The following PLXNA2 variants were observed in gnomAD, a reference collection of about 807,000 sequenced individuals.
PLXNA2 encodes the protein plexin-A2.
Under a neutral mutation model 193.5 loss-of-function variants are expected in PLXNA2, and 91 were observed. The ratio of observed to expected loss-of-function variants is 0.47; its 90% CI spans 0.40 to 0.56. The LOEUF (loss-of-function observed/expected upper bound fraction) is 0.56. PLXNA2 is among the 20% of genes least tolerant of loss of function. The probability of loss-of-function intolerance (pLI) is 0.00; values close to 1 mark genes in which losing one functional copy is unlikely to be tolerated. For missense variants in PLXNA2, 1,995 were observed against 2,503.2 expected (o/e 0.80, Z 4.33); for synonymous variants, 997 against 1,027.3 (o/e 0.97, Z 0.56).
chr1:208,131,057 T>C (rs900821770), intron 4 of PLXNA2, among the ~76,000 whole-genome samples: 2 of 152,194 alleles, frequency 1.3e-5, no homozygotes, highest in African/African-American at 4.8e-5. Flanking sequence ...GCCTGAACCA[T>C]TTGTATGAGA....
intron 3 of PLXNA2, among the ~76,000 whole-genome samples, chr1:208,193,133 C>A (rs1445429016): frequency 1.3e-5 from 2 of 152,198 alleles, no homozygotes; most frequent in African/African-American, 2.4e-5. Context: ...AAGGGAGGGT[C>A]ATAAGGTTTT....
intron 3 of PLXNA2, among the ~76,000 whole-genome samples, chr1:208,160,522 T>TGC (rs1669078481): frequency 1.3e-5 from 2 of 152,264 alleles, no homozygotes; most frequent in African/African-American, 4.8e-5. Context: ...CATTGTTGCG[T>TGC]GGCTTCCACA....
At chr1:208,064,481 C>A (rs549115049) in intron 12 of PLXNA2, among the ~76,000 whole-genome samples, 1 of 152,212 alleles carries the variant, frequency 6.6e-6, no homozygotes, top group South Asian at 2.1e-4. Context: ...CCTGCCCTAT[C>A]GGTGGTTCCT....
At chr1:208,159,432 T>C (rs1458187486) in intron 3 of PLXNA2, among the ~76,000 whole-genome samples, 1 of 152,240 alleles carries the variant, frequency 6.6e-6, no homozygotes, top group Admixed American at 6.5e-5. Context: ...GGGGAGCCTA[T>C]GCTAAAGTAC....
intron 13 of PLXNA2, among the ~76,000 whole-genome samples, chr1:208,060,312 G>A (rs1039963144): frequency 2.6e-5 from 4 of 152,168 alleles, no homozygotes; most frequent in Non-Finnish European, 4.4e-5. Flanking sequence ...AGAGCCCCAC[G>A]CACCAAACAA....
At chr1:208,068,578 T>C (rs901470778) in intron 12 of PLXNA2, among the ~76,000 whole-genome samples, 1 of 152,224 alleles carries the variant, frequency 6.6e-6, no homozygotes, top group African/African-American at 2.4e-5. Flanking sequence ...CGGATTTCTA[T>C]GCATCTTTTG....
chr1:208,204,452 C>G (rs757084158), intron 3 of PLXNA2, among the ~76,000 whole-genome samples: 1 of 152,154 alleles, frequency 6.6e-6, no homozygotes, highest in Non-Finnish European at 1.5e-5. Flanking sequence ...AACCAGAAAA[C>G]AAACTCCTTT....
chr1:208,243,258 C>G (rs1251715624), intron 1 of PLXNA2, among the ~76,000 whole-genome samples: 2 of 152,192 alleles, frequency 1.3e-5, no homozygotes, highest in Non-Finnish European at 2.9e-5. Flanking sequence ...CACCGAGGCC[C>G]TCTTTGGGCT....
intron 16 of PLXNA2, 50 bp downstream of exon 16, chr1:208,051,206 G>C (rs1263921922): frequency 1.3e-6 from 2 of 1,593,130 alleles, no homozygotes; most frequent in East Asian, 4.5e-5. Flanking sequence ...TGGGCTGCAG[G>C]GATCATGCTG....
chr1:208,096,652 G>A (rs755244944), intron 7 of PLXNA2, 78 bp downstream of exon 7: 3 of 1,513,462 alleles, frequency 2.0e-6, no homozygotes, highest in Non-Finnish European at 2.7e-6. Context: ...AAGACTGTGT[G>A]CCTAGTTCTT....
chr1:208,030,366 C>T (rs1030715259), intron 29 of PLXNA2: 86 of 985,640 alleles, frequency 8.7e-5, no homozygotes, highest in Non-Finnish European at 1.0e-4. Flanking sequence ...GCGGATAACC[C>T]TGGACTTTCT....
chr1:208,086,264 G>A (rs1666516299), intron 9 of PLXNA2, among the ~76,000 whole-genome samples: 1 of 152,012 alleles, frequency 6.6e-6, no homozygotes. Flanking sequence ...GTCATTGCTT[G>A]TGGGAGGGTA....
Position 208,027,276 on chromosome 1 carries a change from C to A in PLXNA2, c.5652G>T (p.Glu1884Asp). 1 of 1,613,806 alleles carries A rather than the reference C, an allele frequency of 6.2e-7. No homozygotes were observed. Among genetic ancestry groups the A allele is most frequent in the Non-Finnish European group, 8.5e-7 (1 of 1,180,002 alleles). The change falls in exon 32 of 32, where the codon GAG (glutamate) becomes GAT (aspartate). Residue 1884 changes from glutamate (E) to aspartate (D), a missense_variant. Physicochemically the swap from Glu to Asp is conservative, Grantham distance 45. Around this residue, in one of 3 missense-constraint regions of PLXNA2, gnomAD observed 1,291 missense variants for 1,673.6 expected, o/e 0.77. Coordinates refer to ENST00000367033, the MANE Select transcript of PLXNA2 (RefSeq NM_025179.4). The stretch of plus-strand genomic sequence containing the variant: ...CAATGGACATGGCATTAATGAGCTG[C>A]TCCACCTTATAAGCCAGCCGCTGCC... ...ARRQRLAYKV[E>D]QLINAMSIES
Position 208,181,783 on chromosome 1 carries a change from C to T in PLXNA2, c.1371+28497G>A, listed in dbSNP as rs989799552. 3.3e-5 allele frequency among the ~76,000 whole-genome samples: 5 copies of T among 152,208 alleles called. 1 individual carries two copies. The South Asian group carries it at 8.3e-4, about 25-fold the overall frequency. On this transcript the variant is annotated intron_variant, in intron 3 of 31. Transcript: ENST00000367033. ...GATGAGGTCCAGGGATGGGAAGTGG[C>T]GGAATACAGAGCGATAGGAGGAGAA...
At chr1:208,103,294 CTA>C in intron 4 of PLXNA2, 47 bp from the exon 5 acceptor site, 1 of 1,433,940 alleles carries the variant, frequency 7.0e-7, no homozygotes. Context: ...GCTGTGACGA[CTA>C]GCAGGTGTGT....
intron 3 of PLXNA2, among the ~76,000 whole-genome samples, chr1:208,179,051 C>A (rs1337777385): frequency 6.6e-6 from 1 of 152,242 alleles, no homozygotes; most frequent in Non-Finnish European, 1.5e-5. Context: ...AGCATCCCCA[C>A]AAGCATGACA....
intron 3 of PLXNA2, among the ~76,000 whole-genome samples, chr1:208,190,501 G>C (rs1225535032): frequency 2.6e-5 from 4 of 152,186 alleles, no homozygotes; most frequent in Non-Finnish European, 5.9e-5. Context: ...CATGGTTGAC[G>C]CTCCAGAAAT....
At position 208,034,490 on chromosome 1, in the gene PLXNA2, C is replaced by T. The variant is rs756222401; in HGVS notation, c.4864+3G>A. 8.7e-6 allele frequency: 14 copies of T among 1,603,834 alleles called. No homozygotes were observed. The highest frequency in any genetic ancestry group is 5.4e-5 in the African/African-American group (4 of 74,710). ...CTGCCCAGTCTGCCCTCGTGGTTCT[C>T]ACCGTATCTGCTGATGGACGTCCGG... On this transcript the variant is annotated splice_donor_region_variant and intron_variant, in intron 27 of 31. Coordinates refer to ENST00000367033, the MANE Select transcript of PLXNA2 (RefSeq NM_025179.4).
intron 4 of PLXNA2, among the ~76,000 whole-genome samples, chr1:208,103,711 G>A (rs985534258): frequency 6.6e-6 from 1 of 152,202 alleles, no homozygotes; most frequent in African/African-American, 2.4e-5. Flanking sequence ...TCATAGTATG[G>A]TACAGACTCT....
Sources: allele counts gnomAD v4.1 joint callset (sites outside exome capture counted in the v4.1 genomes callset), GRCh38; gene constraint gnomAD v4.1.1; regional missense constraint gnomAD v4.1.1; transcripts MANE v1.5; gene names NCBI Gene and HGNC (gene_info 2026-07-23, HGNC 2026-07-21).